ALK: variants seen among roughly 807,000 people sequenced by gnomAD.
ALK encodes ALK tyrosine kinase receptor.
Under a neutral mutation model 163.1 loss-of-function variants are expected in ALK, and 74 were observed. The observed-to-expected ratio is 0.45, with a 90% CI of 0.38 to 0.55. The LOEUF (loss-of-function observed/expected upper bound fraction) is 0.55, where lower values mean the gene tolerates loss of function less well. Ranked by LOEUF, ALK falls within the 20% of genes least tolerant of loss-of-function variation. The pLI, the probability that ALK is intolerant of heterozygous loss-of-function variation, is 0.00. For synonymous variants in ALK, 960 were observed against 843.2 expected (o/e 1.14, Z -2.40); for missense variants, 2,063 against 2,105.3 (o/e 0.98, Z 0.39).
intron 4 of ALK, among the ~76,000 whole-genome samples, chr2:29,457,291 A>G (rs1670979312): frequency 6.6e-6 from 1 of 152,136 alleles, no homozygotes; most frequent in African/African-American, 2.4e-5. Flanking sequence ...GAGTCACTGC[A>G]TCTGCCCATC....
chr2:29,881,648 G>T (rs554273627), intron 1 of ALK, among the ~76,000 whole-genome samples: 20 of 152,210 alleles, frequency 1.3e-4, no homozygotes, highest in African/African-American at 4.3e-4. Flanking sequence ...GGAGAGGAAA[G>T]GAAATTTCAC....
In ALK at chr2:29,239,673, C is replaced by T. The variant is rs1236531902; in HGVS notation, c.2355+7G>A. 2 of 1,613,670 alleles carry T rather than the reference C, an allele frequency of 1.2e-6. No homozygotes were observed. The highest frequency in any genetic ancestry group is 3.3e-5 in the Admixed American group (2 of 60,026). ...GCAGACGAGAAACCCCTGCTCTGGG[C>T]ACTTACACTGGGGCAGGCGTCCTCT... On this transcript the variant is annotated splice_region_variant and intron_variant, in intron 13 of 28. Transcript: ENST00000389048.
intron 3 of ALK, among the ~76,000 whole-genome samples, chr2:29,562,110 C>T (rs1674040466): frequency 6.6e-6 from 1 of 152,210 alleles, no homozygotes; most frequent in African/African-American, 2.4e-5. Flanking sequence ...ATCCCCTTTG[C>T]TCTTCTAGGC....
intron 3 of ALK, among the ~76,000 whole-genome samples, chr2:29,638,071 T>C (rs949891719): frequency 6.6e-6 from 1 of 152,148 alleles, no homozygotes; most frequent in Admixed American, 6.5e-5. Context: ...AATATGTTCT[T>C]CTCTATTGAC....
chr2:29,634,972 T>G (rs1676479800), intron 3 of ALK, among the ~76,000 whole-genome samples: 1 of 152,198 alleles, frequency 6.6e-6, no homozygotes, highest in African/African-American at 2.4e-5. Context: ...CAAAAATCAA[T>G]TGTATTTCTC....
intron 1 of ALK, among the ~76,000 whole-genome samples, chr2:29,782,461 GC>G (rs1663854622): frequency 6.6e-6 from 1 of 152,068 alleles, no homozygotes; most frequent in African/African-American, 2.4e-5. Context: ...CTTCTTTGGT[GC>G]CCCGCACCCA....
At chr2:29,209,496 C>T (rs1054583388) in intron 25 of ALK, among the ~76,000 whole-genome samples, 4 of 143,006 alleles carry the variant, frequency 2.8e-5, no homozygotes, top group Non-Finnish European at 6.0e-5. Context: ...GAGCCGAGTT[C>T]GTGCCATGGC....
rs1573261172 is a variant in ALK at position 29,345,623 on chromosome 2, G to A, written c.1283-17142C>T. ...TTGAACCCCAAGGTTCCACTTTTAG[G>A]AAACTTCCTTGAGGAAATAGAGTTA... is the stretch of plus-strand genomic sequence containing the variant. On this transcript the variant is annotated intron_variant, in intron 5 of 28. Transcript: ENST00000389048. Among the ~76,000 whole-genome samples, 9 of 151,764 alleles carry A rather than the reference G, an allele frequency of 5.9e-5. No individual in the cohort carries two copies. In the South Asian group the frequency reaches 1.9e-3, roughly 32 times the overall value.
chr2:29,675,163 CAACCTACATTTTCATT>C (rs1396116350), intron 3 of ALK, among the ~76,000 whole-genome samples: 1 of 151,936 alleles, frequency 6.6e-6, no homozygotes, highest in African/African-American at 2.4e-5. Context: ...TACTGTTTAA[CAACCTACATTTTCATT>C]AAACTATATC....
At chr2:29,396,150 T>G (rs1017630031) in intron 4 of ALK, among the ~76,000 whole-genome samples, 1 of 152,084 alleles carries the variant, frequency 6.6e-6, no homozygotes, top group Non-Finnish European at 1.5e-5. Context: ...TGAGCCCTCT[T>G]GGTACAAAAA....
intron 1 of ALK, among the ~76,000 whole-genome samples, chr2:29,900,353 A>C (rs1667380703): frequency 6.6e-6 from 1 of 152,204 alleles, no homozygotes; most frequent in African/African-American, 2.4e-5. Context: ...CATATAGTGG[A>C]CCAGGGCAGG....
intron 4 of ALK, among the ~76,000 whole-genome samples, chr2:29,455,937 G>A (rs55971074): frequency 0.071 from 10,797 of 152,212 alleles, 535 homozygotes; most frequent in Non-Finnish European, 0.11. Context: ...GGGGGTGCAA[G>A]GAACACAGCC....
At chr2:29,494,900 GTC>G (rs34681415) in intron 4 of ALK, among the ~76,000 whole-genome samples, 5,744 of 151,186 alleles carry the variant, frequency 0.038, 158 homozygotes, top group Middle Eastern at 0.065. Flanking sequence ...GCTGCACATA[GTC>G]TCTTAGTTCC....
intron 4 of ALK, among the ~76,000 whole-genome samples, chr2:29,491,145 A>C (rs1262251868): frequency 6.6e-6 from 1 of 152,194 alleles, no homozygotes; most frequent in East Asian, 1.9e-4. Context: ...TATTCTTTTA[A>C]AAGTTTTACT....
chr2:29,864,770 C>T (rs1666383745), intron 1 of ALK, among the ~76,000 whole-genome samples: 1 of 152,210 alleles, frequency 6.6e-6, no homozygotes, highest in Non-Finnish European at 1.5e-5. Context: ...AAAGAACCTC[C>T]AGTCCCAGGG....
intron 3 of ALK, among the ~76,000 whole-genome samples, chr2:29,611,886 A>C (rs1573498104): frequency 6.6e-6 from 1 of 152,186 alleles, no homozygotes; most frequent in Non-Finnish European, 1.5e-5. Flanking sequence ...TGAGTCAAAT[A>C]TACCCTTTTT....
rs1664215772 is a variant in ALK at position 29,231,804 on chromosome 2, G to T, written c.2632+500C>A. On this transcript the variant is annotated intron_variant, in intron 15 of 28. Transcript: ENST00000389048. ...TCTTCCCTGCCTGTCTCACATTTCT[G>T]TGCTTCTGGCTCCCATTAATGAGGG... is the stretch of plus-strand genomic sequence containing the variant. 2.0e-5 allele frequency among the ~76,000 whole-genome samples: 3 copies of T among 152,224 alleles called. No individual in the cohort carries two copies. In the South Asian group the frequency reaches 6.2e-4, roughly 32 times the overall value.
At chr2:29,226,478 CAAAA>C (rs3028223) in intron 18 of ALK, among the ~76,000 whole-genome samples, 44,696 of 83,856 alleles carry the variant, frequency 0.53, 10,473 homozygotes, top group Middle Eastern at 0.78. Context: ...AACTCCGCCT[CAAAA>C]AAAAAAAAAA....
intron 5 of ALK, among the ~76,000 whole-genome samples, chr2:29,356,069 C>T (rs1447259949): frequency 1.3e-5 from 2 of 152,150 alleles, no homozygotes; most frequent in African/African-American, 2.4e-5. Context: ...TAGACACCTG[C>T]CCAAGGCCCC....
Sources: gnomAD v4.1 joint callset for allele counts (sites outside exome capture counted in the v4.1 genomes callset) on GRCh38, gnomAD v4.1.1 for gene constraint, MANE v1.5 for transcripts, NCBI Gene and HGNC (gene_info 2026-07-23, HGNC 2026-07-21) for gene names.